Variants in GRIN3A observed in about 807,000 individuals in gnomAD.
GRIN3A encodes glutamate receptor ionotropic, NMDA 3A.
A neutral mutation model predicts 92.4 loss-of-function variants in GRIN3A; 47 were observed. The observed-to-expected ratio is 0.51, with a 90% CI of 0.40 to 0.65. GRIN3A has a LOEUF of 0.65. GRIN3A is among the 30% of genes least tolerant of loss of function. The pLI is 0.00. For synonymous variants in GRIN3A, 527 were observed against 540.6 expected, an observed-to-expected ratio of 0.97 and a Z score of 0.35; for missense variants, 1,324 against 1,393.1, an observed-to-expected ratio of 0.95 and a Z score of 0.79.
At chr9:101,699,625 T>G (rs762014073) in intron 1 of GRIN3A, among the ~76,000 whole-genome samples, 4 of 152,178 alleles carry the variant, frequency 2.6e-5, no homozygotes, top group African/African-American at 4.8e-5. Flanking sequence ...ATATCTTTCT[T>G]GTCTGGGTCA....
rs1172357723 is a variant in GRIN3A, at chr9:101,686,603, A to C, written c.1297T>G (p.Leu433Val). The change falls in exon 2 of 9, where the codon TTA becomes GTA. Residue 433 changes from leucine (L) to valine (V), a missense_variant. Coordinates refer to ENST00000361820, the MANE Select transcript of GRIN3A (RefSeq NM_133445.3). ...CGAGACCTTGCATCCTACCTTGATA[A>C]ATATTGTCCTGAAGTGAGATTTGTA... ...ETTNLTSGQY[L>V]SRFLANTTFR... is the part of the protein sequence containing the mutation. 9 of 1,614,020 alleles carry C rather than the reference A, an allele frequency of 5.6e-6. No individual in the cohort carries two copies. The highest frequency in any genetic ancestry group is 1.7e-5 in the Admixed American group (1 of 60,006).
chr9:101,724,160 C>T (rs6479063), intron 1 of GRIN3A, among the ~76,000 whole-genome samples: 63,980 of 151,940 alleles, frequency 0.42, 13,758 homozygotes, highest in Non-Finnish European at 0.47. Flanking sequence ...CGCCATGGAG[C>T]AGGGGGTGGC....
intron 1 of GRIN3A, among the ~76,000 whole-genome samples, chr9:101,710,325 G>A (rs1483970001): frequency 2.6e-5 from 4 of 152,174 alleles, no homozygotes; most frequent in Non-Finnish European, 5.9e-5. Flanking sequence ...AATTCTTACT[G>A]AGTCTCATGC....
At chr9:101,620,247 C>T (rs970835436) in intron 5 of GRIN3A, among the ~76,000 whole-genome samples, 3 of 152,150 alleles carry the variant, frequency 2.0e-5, no homozygotes, top group African/African-American at 7.2e-5. Flanking sequence ...TGAGGGCCTG[C>T]TTTCTGGTTC....
intron 1 of GRIN3A, among the ~76,000 whole-genome samples, chr9:101,710,788 G>A (rs993418790): frequency 2.6e-5 from 4 of 152,232 alleles, no homozygotes; most frequent in Admixed American, 2.6e-4. Flanking sequence ...CAAAGCAGAT[G>A]GCTAAAGCAA....
chr9:101,648,308 C>A (rs907387567), intron 3 of GRIN3A, among the ~76,000 whole-genome samples: 9 of 151,964 alleles, frequency 5.9e-5, no homozygotes, highest in African/African-American at 1.7e-4. Flanking sequence ...AGTTTTATTT[C>A]ATCATGGTAA....
intron 5 of GRIN3A, among the ~76,000 whole-genome samples, chr9:101,619,282 G>A (rs1683215871): frequency 6.6e-6 from 1 of 152,124 alleles, no homozygotes; most frequent in Admixed American, 6.6e-5. Flanking sequence ...TAATGGTTGA[G>A]AACATATTGT....
chr9:101,634,250 G>T (rs558781940), intron 3 of GRIN3A, among the ~76,000 whole-genome samples: 1 of 148,002 alleles, frequency 6.8e-6, no homozygotes, highest in African/African-American at 2.5e-5. Context: ...GGGGAATGGC[G>T]TGAACCCGGG....
chr9:101,573,287 G>A lies in GRIN3A; in HGVS notation c.3235C>T (p.Leu1079Phe). The part of the protein sequence containing the change: ...NVSRNSVMQE[L>F]SELEKQIQVI... ...TGAATCTGCTTCTCGAGCTCTGAGA[G>A]TTCCTGCATCACTGAGTTCCGAGAT... Residue 1079 changes from leucine (L) to phenylalanine (F), a missense_variant, in exon 9 of 9, where the codon CTC becomes TTC. Transcript: ENST00000361820. The A allele has an allele frequency of 1.2e-6, 2 of 1,614,012 alleles. No individual in the cohort carries two copies. The highest frequency in any genetic ancestry group is 1.7e-6 in the Non-Finnish European group (2 of 1,179,962).
At chr9:101,610,260 T>C (rs368091242) in intron 6 of GRIN3A, among the ~76,000 whole-genome samples, 5 of 152,330 alleles carry the variant, frequency 3.3e-5, no homozygotes, top group African/African-American at 7.2e-5. Context: ...CTGGGTACAG[T>C]TTCTATTACA....
At chr9:101,684,569 T>C (rs1231939896) in intron 2 of GRIN3A, among the ~76,000 whole-genome samples, 1 of 152,160 alleles carries the variant, frequency 6.6e-6, no homozygotes, top group Non-Finnish European at 1.5e-5. Flanking sequence ...AGTACCACTA[T>C]GTAATTTTAT....
chr9:101,666,366 A>G (rs1430626653), intron 3 of GRIN3A, among the ~76,000 whole-genome samples: 1 of 152,000 alleles, frequency 6.6e-6, no homozygotes, highest in Non-Finnish European at 1.5e-5. Flanking sequence ...GCTGGAGGCC[A>G]TTACTCTTAG....
At chr9:101,611,410 A>G (rs1588247505) in intron 6 of GRIN3A, among the ~76,000 whole-genome samples, 3 of 152,166 alleles carry the variant, frequency 2.0e-5, no homozygotes, top group South Asian at 4.1e-4. Context: ...TGACTACAGT[A>G]TGGCCTCCTT....
rs1197684843 is a variant in GRIN3A, at chr9:101,737,916, C to G, written c.64G>C (p.Ala22Pro). ...CTGGGCACCCCGGCCAGCACCAGTG[C>G]GCAGGGCGGCGGCAACAGCAGACAG... The part of the protein sequence containing the change: ...RVCLLLPPPC[A>P]LVLAGVPSSS... The change falls in exon 1 of 9, where the codon GCA becomes CCA. Residue 22 changes from alanine to proline, a missense_variant. Coordinates refer to ENST00000361820, the MANE Select transcript of GRIN3A (RefSeq NM_133445.3). 1 of 1,536,346 alleles carries G rather than the reference C, an allele frequency of 6.5e-7. No individual in the cohort carries two copies. Among genetic ancestry groups the G allele is most frequent in the African/African-American group, 1.4e-5 (1 of 73,290 alleles).
rs753224507 is a variant in GRIN3A at position 101,736,799 on chromosome 9, TGAA to T, written c.699+479_699+481del. Among the ~76,000 whole-genome samples the T allele has an allele frequency of 5.6e-4, 85 of 152,324 alleles. 1 individual carries two copies. The highest frequency in any genetic ancestry group is 9.6e-4 in the Non-Finnish European group (65 of 68,030). On this transcript the variant is annotated intron_variant, in intron 1 of 8. Transcript: ENST00000361820. Reference sequence around the variant, plus strand: ...TTGCCTAAGGCTCAGGCACACCTTCTGAAGAAGTCAGAGAGAGCAGATGCTGCT... The same window carrying T: ...TTGCCTAAGGCTCAGGCACACCTTCTGAAGTCAGAGAGAGCAGATGCTGCT...
Position 101,572,495 on chromosome 9 carries a change from C to T in GRIN3A, c.*679G>A, listed in dbSNP as rs3824473. 0.24 allele frequency: 36,055 copies of T among 152,878 alleles called. 4,425 individuals are homozygous for T. The highest frequency in any genetic ancestry group is 0.29 in the African/African-American group (11,862 of 41,490). 9.5% of individuals were successfully genotyped at this position (152,878 alleles called of 1,614,324 possible). ...GCCTCTGCTGCCTGTCTTCTGTTTC[C>T]GCTTACCACATCCCCTCCCCTTTTC... is the stretch of plus-strand genomic sequence containing the variant. On this transcript the variant is annotated 3_prime_UTR_variant, in exon 9 of 9. Coordinates refer to ENST00000361820, the MANE Select transcript of GRIN3A (RefSeq NM_133445.3).
At chr9:101,628,062 G>A (rs376314739) in intron 4 of GRIN3A, among the ~76,000 whole-genome samples, 194 bp downstream of exon 4, 1 of 152,158 alleles carries the variant, frequency 6.6e-6, no homozygotes, top group Non-Finnish European at 1.5e-5. Flanking sequence ...CAGGTCACAA[G>A]TAATCTAGGT....
chr9:101,711,369 A>G lies in GRIN3A; in HGVS notation c.700-24169T>C, dbSNP rs982799768. Among the ~76,000 whole-genome samples, 54 of 152,090 alleles carry G rather than the reference A, an allele frequency of 3.6e-4. 1 individual carries two copies. The highest frequency in any genetic ancestry group is 1.2e-3 in the African/African-American group (48 of 41,410). ...ATAGGTCAGGGTGGGACGGTGGGAG[A>G]TTTCATCATGATACTCAGAATAGCG... On this transcript the variant is annotated intron_variant, in intron 1 of 8. Coordinates refer to ENST00000361820, the MANE Select transcript of GRIN3A (RefSeq NM_133445.3).
chr9:101,733,364 C>T (rs1418434455), intron 1 of GRIN3A, among the ~76,000 whole-genome samples: 2 of 152,150 alleles, frequency 1.3e-5, no homozygotes, highest in African/African-American at 4.8e-5. Flanking sequence ...AAAATACTTC[C>T]AAGTTAATGC....
Sources: gnomAD v4.1 joint callset for allele counts (sites outside exome capture counted in the v4.1 genomes callset) on GRCh38, gnomAD v4.1.1 for gene constraint, MANE v1.5 for transcripts, NCBI Gene and HGNC (gene_info 2026-07-23, HGNC 2026-07-21) for gene names.